Variants in SOX15 observed in about 807,000 individuals in gnomAD.
The protein encoded by SOX15 is SRY-box transcription factor 15.
A neutral mutation model predicts 15.9 loss-of-function variants in SOX15; 12 were observed. The ratio of observed to expected loss-of-function variants is 0.75; its 90% CI spans 0.48 to 1.22. The LOEUF is 1.22. Among genes scored for constraint, SOX15 ranks in the 50% most tolerant of loss-of-function variants. The pLI, the probability that SOX15 is intolerant of heterozygous loss-of-function variation, is 0.00. For synonymous variants in SOX15, 149 were observed against 142.8 expected (o/e 1.04, Z -0.31); for missense variants, 309 against 313.9 (o/e 0.98, Z 0.12).
Position 7,588,350 on chromosome 17 carries a change from CG to C in SOX15, c.*27del, listed in dbSNP as rs763187788. Reference sequence around the variant, plus strand: ...TGGATTAAAAAAGGAGGATGAGGCCCGTCCCGTGAGGTCTGCGTCCATGAGG... The same window carrying C: ...TGGATTAAAAAAGGAGGATGAGGCCCTCCCGTGAGGTCTGCGTCCATGAGG... On this transcript the variant is annotated 3_prime_UTR_variant, in exon 2 of 2. Coordinates refer to ENST00000250055, the MANE Select transcript of SOX15 (RefSeq NM_006942.2). 1.4e-5 allele frequency: 23 copies of C among 1,609,544 alleles called. 1 individual carries two copies. The South Asian group carries it at 2.5e-4, about 18-fold the overall frequency.
chr17:7,588,722 A>C (rs2071625410), intron 1 of SOX15, among the ~76,000 whole-genome samples, 176 bp from the exon 2 acceptor site: 2 of 152,150 alleles, frequency 1.3e-5, no homozygotes. Flanking sequence ...CTGTTGGGGC[A>C]CGCTCGGGAG....
Position 7,589,719 on chromosome 17 carries a change from C to T in SOX15, c.-43G>A, listed in dbSNP as rs753977481. The T allele has an allele frequency of 6.8e-7, 1 of 1,465,526 alleles. No homozygotes were observed. Among genetic ancestry groups the T allele is most frequent in the South Asian group, 1.3e-5 (1 of 77,800 alleles). The allele number at this position is 1,465,526 out of a possible 1,614,324, so 90.8% of individuals were successfully genotyped here. On this transcript the variant is annotated 5_prime_UTR_variant, in exon 1 of 2. Coordinates refer to ENST00000250055, the MANE Select transcript of SOX15 (RefSeq NM_006942.2). The stretch of plus-strand genomic sequence containing the variant: ...AAGAGGGCGTCCTGAATGCCCTCCC[C>T]TCAACGTGAAGCGTCGATCCTGAAA...
intron 1 of SOX15, 147 bp downstream of exon 1, chr17:7,588,997 C>T: frequency 1.4e-6 from 1 of 692,468 alleles, no homozygotes; most frequent in Non-Finnish European, 2.3e-6. Context: ...ACACAGGCCC[C>T]GGAGGTACTG....
chr17:7,588,630 T>C (rs1870104932), intron 1 of SOX15, 84 bp from the exon 2 acceptor site: 1 of 1,409,368 alleles, frequency 7.1e-7, no homozygotes, highest in South Asian at 1.2e-5. Flanking sequence ...GGGTAGAGCG[T>C]GCCACCCACC....
intron 1 of SOX15, 39 bp from the exon 2 acceptor site, chr17:7,588,585 G>T: frequency 6.2e-7 from 1 of 1,601,394 alleles, no homozygotes; most frequent in Non-Finnish European, 8.5e-7. Context: ...CACTTCCCTG[G>T]GTTGGAGGTG....
rs778722544 is a variant in SOX15, at chr17:7,589,267, C to G, written c.410G>C (p.Gly137Ala). 3 of 1,560,404 alleles carry G rather than the reference C, an allele frequency of 1.9e-6. No homozygotes were observed. The highest frequency in any genetic ancestry group is 2.6e-6 in the Non-Finnish European group (3 of 1,152,940). Residue 137 changes from glycine (G) to alanine (A), a missense_variant, in exon 1 of 2, where the codon GGA becomes GCA. Transcript: ENST00000250055. ...GCCGCCGCTGGCCAGGTTGCCTCTT[C>G]CCTGTCCGCAGCGGGAAGGTCCGGC... ...SGAGPSRCGQ[G>A]RGNLASGGPL...
Position 7,588,245 on chromosome 17 carries a change from A to G in SOX15, c.*133T>C, listed in dbSNP as rs754244081. 1.1e-5 allele frequency: 10 copies of G among 874,254 alleles called. No individual in the cohort carries two copies. Among genetic ancestry groups the G allele is most frequent in the Non-Finnish European group, 2.0e-5 (10 of 504,842 alleles). The allele number at this position is 874,254 out of a possible 1,614,324, so 54.2% of individuals were successfully genotyped here. A position where few individuals can be genotyped will look rare whatever the true frequency, so the allele number is the denominator to read the frequency against. ...GTATGTTGTGCGGCTCTCCCTGGCTATCATGGGAGGACTGCAGGCTGCCTC... is the reference window on the plus strand; with the variant it reads ...GTATGTTGTGCGGCTCTCCCTGGCTGTCATGGGAGGACTGCAGGCTGCCTC... On this transcript the variant is annotated 3_prime_UTR_variant, in exon 2 of 2. Transcript: ENST00000250055.
chr17:7,588,892 C>A, intron 1 of SOX15: 1 of 589,178 alleles, frequency 1.7e-6, no homozygotes, highest in Non-Finnish European at 3.0e-6. Flanking sequence ...AGGACACAGT[C>A]GCATCCAGGG....
chr17:7,589,051 G>T, intron 1 of SOX15, 93 bp downstream of exon 1: 1 of 1,235,742 alleles, frequency 8.1e-7, no homozygotes, highest in Non-Finnish European at 1.1e-6. Flanking sequence ...CCTCTGCTTG[G>T]GTGGGCTCCC....
chr17:7,589,555 G>A lies in SOX15; in HGVS notation c.122C>T (p.Pro41Leu). 6.3e-7 allele frequency: 1 copy of A among 1,599,860 alleles called. No homozygotes were observed. The highest frequency in any genetic ancestry group is 8.5e-7 in the Non-Finnish European group (1 of 1,174,788). Residue 41 changes from proline (P) to leucine (L), a missense_variant, in exon 1 of 2, where the codon CCC (proline) becomes CTC (leucine). By Grantham distance (98) the Pro-to-Leu change is moderately conservative (BLOSUM62 -3). Transcript: ENST00000250055. The part of the protein sequence containing the change: ...EREGAGSPAA[P>L]GTLPLEKVKR... ...CACCTTCTCCAGGGGCAGCGTCCCG[G>A]GGGCCGCGGGGCTCCCAGCGCCCTC...
At position 7,589,983 on chromosome 17, in the gene SOX15, C is replaced by G. The variant is rs1315535431; in HGVS notation, c.-307G>C. The G allele has an allele frequency of 9.4e-6, 4 of 425,562 alleles. No homozygotes were observed. Among genetic ancestry groups the G allele is most frequent in the Non-Finnish European group, 1.7e-5 (4 of 238,282 alleles). The allele number at this position is 425,562 out of a possible 1,614,324, so 26.4% of individuals were successfully genotyped here. On this transcript the variant is annotated 5_prime_UTR_variant, in exon 1 of 2. Coordinates refer to ENST00000250055, the MANE Select transcript of SOX15 (RefSeq NM_006942.2). ...CCCCGACCCGCAGCTGCGATCAGAC[C>G]GACCTTCCGTGGAGGGGGTAAACCA...
At position 7,589,434 on chromosome 17, in the gene SOX15, C is replaced by G; in HGVS notation, c.243G>C (p.Lys81Asn). ...GCAGCTTCCACTGCGCGCCCAGGCG[C>G]TTGGAGATCTCGGAGTTGTGCATCT... is the stretch of plus-strand genomic sequence containing the variant. ...NPKMHNSEIS[K>N]RLGAQWKLLD... Residue 81 changes from lysine to asparagine, a missense_variant, in exon 1 of 2, where the codon AAG becomes AAC. Coordinates refer to ENST00000250055, the MANE Select transcript of SOX15 (RefSeq NM_006942.2). 2 of 1,613,926 alleles carry G rather than the reference C, an allele frequency of 1.2e-6. No individual in the cohort carries two copies. Among genetic ancestry groups the G allele is most frequent in the Non-Finnish European group, 1.7e-6 (2 of 1,179,922 alleles).
rs2071639423 is a variant in SOX15 at position 7,589,931 on chromosome 17, ACTGACTGG to A, written c.-263_-256del. ...GCACTGAAGAGGTGTTCTGAGGCCT[ACTGACTGG>A]GGGACCCCCGGTCCCTCTCCCCGAC... On this transcript the variant is annotated 5_prime_UTR_variant, in exon 1 of 2. Coordinates refer to ENST00000250055, the MANE Select transcript of SOX15 (RefSeq NM_006942.2). 1.9e-6 allele frequency: 1 copy of A among 515,168 alleles called. No individual in the cohort carries two copies. The highest frequency in any genetic ancestry group is 2.0e-5 in the African/African-American group (1 of 50,028). The allele number at this position is 515,168 out of a possible 1,614,324, so 31.9% of individuals were successfully genotyped here. A position where few individuals can be genotyped will look rare whatever the true frequency, so the allele number is the denominator to read the frequency against.
chr17:7,588,919 T>C, intron 1 of SOX15: 1 of 590,390 alleles, frequency 1.7e-6, no homozygotes. Flanking sequence ...CACCTGACCC[T>C]ACAGGGCCCA....
chr17:7,588,708 G>C (rs1007860701), intron 1 of SOX15, among the ~76,000 whole-genome samples, 162 bp from the exon 2 acceptor site: 2 of 152,192 alleles, frequency 1.3e-5, no homozygotes, highest in African/African-American at 4.8e-5. Context: ...GAGAGCCCGC[G>C]GCCCTGTTGG....
At position 7,590,028 on chromosome 17, in the gene SOX15, C is replaced by T. The variant is rs2071640699; in HGVS notation, c.-352G>A. The T allele has an allele frequency of 3.7e-6, 1 of 267,422 alleles. No individual in the cohort carries two copies. Among genetic ancestry groups the T allele is most frequent in the Admixed American group, 4.9e-5 (1 of 20,334 alleles). The allele number at this position is 267,422 out of a possible 1,614,324, so 16.6% of individuals were successfully genotyped here. A position where few individuals can be genotyped will look rare whatever the true frequency, so the allele number is the denominator to read the frequency against. ...AAACCATAAACCCCTTTGTGGTCTC[C>T]GGAGTTCCGACAGCTGCCAGGCGCG... On this transcript the variant is annotated 5_prime_UTR_variant, in exon 1 of 2. Coordinates refer to ENST00000250055, the MANE Select transcript of SOX15 (RefSeq NM_006942.2).
intron 1 of SOX15, 35 bp downstream of exon 1, chr17:7,589,109 G>A (rs1292292405): frequency 6.9e-7 from 1 of 1,446,464 alleles, no homozygotes; most frequent in South Asian, 1.4e-5. Flanking sequence ...GGGGCGCATG[G>A]GCCTCCGTCT....
Position 7,589,268 on chromosome 17 carries a change from C to G in SOX15, c.409G>C (p.Gly137Arg). The change falls in exon 1 of 2, where the codon GGA becomes CGA. Residue 137 changes from glycine (G) to arginine (R), a missense_variant. Coordinates refer to ENST00000250055, the MANE Select transcript of SOX15 (RefSeq NM_006942.2). ...CCGCCGCTGGCCAGGTTGCCTCTTC[C>G]CTGTCCGCAGCGGGAAGGTCCGGCG... ...SGAGPSRCGQ[G>R]RGNLASGGPL... The G allele has an allele frequency of 6.4e-7, 1 of 1,561,170 alleles. No homozygotes were observed. The highest frequency in any genetic ancestry group is 8.7e-7 in the Non-Finnish European group (1 of 1,153,272).
At chr17:7,588,930 C>G (rs2071627404) in intron 1 of SOX15, 1 of 591,242 alleles carries the variant, frequency 1.7e-6, no homozygotes, top group Admixed American at 3.2e-5. Flanking sequence ...ACAGGGCCCA[C>G]CACCTTCAGA....
Sources: gnomAD v4.1 joint callset for allele counts (sites outside exome capture counted in the v4.1 genomes callset) on GRCh38, gnomAD v4.1.1 for gene constraint, MANE v1.5 for transcripts, NCBI Gene and HGNC (gene_info 2026-07-23, HGNC 2026-07-21) for gene names.